Variants in GALNT8 observed in about 807,000 individuals in gnomAD.
GALNT8 encodes the protein polypeptide N-acetylgalactosaminyltransferase 8, also known as probable polypeptide N-acetylgalactosaminyltransferase 8.
A neutral mutation model predicts 62.7 loss-of-function variants in GALNT8; 66 were observed. The observed-to-expected ratio is 1.05, with a 90% CI of 0.86 to 1.29. The LOEUF (loss-of-function observed/expected upper bound fraction) is 1.29, where lower values mean the gene tolerates loss of function less well. GALNT8 is among the 50% of genes most tolerant of loss of function. GALNT8 has a pLI of 0.00. For synonymous variants in GALNT8, 288 were observed against 294.3 expected, an observed-to-expected ratio of 0.98 and a Z score of 0.22; for missense variants, 771 against 791.8, an observed-to-expected ratio of 0.97 and a Z score of 0.32.
intron 6 of GALNT8, among the ~76,000 whole-genome samples, chr12:4,751,855 GTCT>G (rs765082254): frequency 6.6e-6 from 1 of 152,116 alleles, no homozygotes; most frequent in Non-Finnish European, 1.5e-5. Flanking sequence ...GGATGTTAAA[GTCT>G]TCTGCTATTA....
At chr12:4,759,651 GATA>G (rs1424049297) in intron 6 of GALNT8, among the ~76,000 whole-genome samples, 4 of 151,958 alleles carry the variant, frequency 2.6e-5, no homozygotes, top group Non-Finnish European at 4.4e-5. Flanking sequence ...TTGAAAGTCA[GATA>G]ATGAGACTGA....
intron 1 of GALNT8, among the ~76,000 whole-genome samples, chr12:4,723,063 C>T (rs936085831): frequency 1.2e-4 from 18 of 152,132 alleles, no homozygotes; most frequent in Non-Finnish European, 1.6e-4. Flanking sequence ...GCACCTTCCA[C>T]GTCCTCCTTC....
intron 3 of GALNT8, among the ~76,000 whole-genome samples, chr12:4,742,486 A>G (rs1946276265): frequency 6.6e-6 from 1 of 151,790 alleles, no homozygotes. Context: ...GGAGGATGTC[A>G]GAGAGTTCAA....
At chr12:4,747,307 T>C (rs1006164558) in intron 6 of GALNT8, among the ~76,000 whole-genome samples, 1 of 152,216 alleles carries the variant, frequency 6.6e-6, no homozygotes, top group African/African-American at 2.4e-5. Context: ...ATAGTAGGTC[T>C]TATTTGTCTT....
Position 4,726,923 on chromosome 12 carries a change from G to T in GALNT8, c.509+94G>T. On this transcript the variant is annotated intron_variant, in intron 2 of 10. Coordinates refer to ENST00000252318, the MANE Select transcript of GALNT8 (RefSeq NM_017417.2). The surrounding 1 kb of genome is among the most constrained non-coding windows in gnomAD (Gnocchi z 4.1). ...AACATTGAAGGCTGGGGGAGTGGGG[G>T]ATTGTTGGGGAAGGGGTTCAGGCTG... The T allele has an allele frequency of 9.5e-7, 1 of 1,056,336 alleles. No homozygotes were observed. Among genetic ancestry groups the T allele is most frequent in the Non-Finnish European group, 1.4e-6 (1 of 721,630 alleles). The allele number at this position is 1,056,336 out of a possible 1,614,324, so 65.4% of individuals were successfully genotyped here. A position where few individuals can be genotyped will look rare whatever the true frequency, so the allele number is the denominator to read the frequency against.
At chr12:4,770,962 G>A (rs1946421580) in intron 10 of GALNT8, among the ~76,000 whole-genome samples, 1 of 152,210 alleles carries the variant, frequency 6.6e-6, no homozygotes, top group Non-Finnish European at 1.5e-5. Flanking sequence ...ATCGAGGATG[G>A]CTGGGGCTCA....
chr12:4,771,646 A>C (rs1421844988), intron 10 of GALNT8, among the ~76,000 whole-genome samples: 2 of 152,148 alleles, frequency 1.3e-5, no homozygotes, highest in African/African-American at 4.8e-5. Context: ...ATGATAGCAG[A>C]GTGCAGGGCA....
chr12:4,760,899 A>G lies in GALNT8; in HGVS notation c.1174-59A>G, dbSNP rs1223628555. 8.4e-6 allele frequency: 12 copies of G among 1,424,194 alleles called. No individual in the cohort carries two copies. In the Admixed American group the frequency reaches 2.1e-4, roughly 25 times the overall value. The allele number at this position is 1,424,194 out of a possible 1,614,324, so 88.2% of individuals were successfully genotyped here. On this transcript the variant is annotated intron_variant, in intron 6 of 10. Transcript: ENST00000252318. ...TCTAAAATGTAGTCTTCTTGTGTCAATAAGCTATGCAATTCATTGGCTGTG... is the reference window on the plus strand; with the variant it reads ...TCTAAAATGTAGTCTTCTTGTGTCAGTAAGCTATGCAATTCATTGGCTGTG...
chr12:4,766,554 A>G (rs1946400783), intron 10 of GALNT8, among the ~76,000 whole-genome samples: 2 of 152,164 alleles, frequency 1.3e-5, no homozygotes, highest in Admixed American at 6.5e-5. Context: ...TTTAACTTCA[A>G]TATCAAATGA....
At chr12:4,758,600 A>G (rs980104889) in intron 6 of GALNT8, among the ~76,000 whole-genome samples, 1 of 135,684 alleles carries the variant, frequency 7.4e-6, no homozygotes, top group African/African-American at 2.9e-5. Flanking sequence ...CAGAAGCTTA[A>G]TGTCTCTGTG....
At position 4,745,542 on chromosome 12, in the gene GALNT8, A is replaced by G. The variant is rs1433492485; in HGVS notation, c.974A>G (p.Asp325Gly). Residue 325 changes from aspartate to glycine, a missense_variant, in exon 5 of 11, where the codon GAT becomes GGT. Physicochemically the swap from Asp to Gly is moderately conservative, Grantham distance 94. Coordinates refer to ENST00000252318, the MANE Select transcript of GALNT8 (RefSeq NM_017417.2). The part of the protein sequence containing the change: ...FKLDKYELAV[D>G]GFNWELWCRY... ...CTGGATAAGTATGAACTGGCAGTTG[A>G]TGGGTTTAACTGGGAACTCTGGTGC... 1.2e-5 allele frequency: 19 copies of G among 1,613,782 alleles called. No individual in the cohort carries two copies. The highest frequency in any genetic ancestry group is 1.5e-5 in the Non-Finnish European group (18 of 1,179,802).
intron 2 of GALNT8, among the ~76,000 whole-genome samples, chr12:4,736,207 C>G (rs1419205935): frequency 6.6e-6 from 1 of 152,180 alleles, no homozygotes; most frequent in Admixed American, 6.5e-5. Context: ...CATCAGCAAA[C>G]AGCTGAAGCC....
Position 4,745,458 on chromosome 12 carries a change from A to G in GALNT8, c.890A>G (p.Glu297Gly), listed in dbSNP as rs769376293. 3 of 1,612,920 alleles carry G rather than the reference A, an allele frequency of 1.9e-6. No homozygotes were observed. In the South Asian group the frequency reaches 3.3e-5, roughly 18 times the overall value. Residue 297 changes from glutamate to glycine, a missense_variant, in exon 5 of 11, where the codon GAG (glutamate) becomes GGG (glycine). Coordinates refer to ENST00000252318, the MANE Select transcript of GALNT8 (RefSeq NM_017417.2). ...GAGCCAATCTTGGCTCGGATTCAGG[A>G]GGACCGCACTGTGATTGTGTCTCCT... Reference protein sequence around the residue: ...WAEPILARIQEDRTVIVSPVF... With the variant: ...WAEPILARIQGDRTVIVSPVF...
intron 6 of GALNT8, among the ~76,000 whole-genome samples, chr12:4,750,750 C>T (rs963840150): frequency 6.6e-6 from 1 of 152,156 alleles, no homozygotes; most frequent in African/African-American, 2.4e-5. Flanking sequence ...AATCAACACA[C>T]TGCCTTCTAC....
At chr12:4,737,662 C>T (rs1946251883) in intron 2 of GALNT8, among the ~76,000 whole-genome samples, 1 of 152,118 alleles carries the variant, frequency 6.6e-6, no homozygotes, top group South Asian at 2.1e-4. Flanking sequence ...AATGTATTTG[C>T]CATTGCGACA....
In GALNT8 at chr12:4,755,682, TCTCCCAACCTG is replaced by T. The variant is rs551640253; in HGVS notation, c.1174-5275_1174-5265del. On this transcript the variant is annotated intron_variant, in intron 6 of 10. Coordinates refer to ENST00000252318, the MANE Select transcript of GALNT8 (RefSeq NM_017417.2). The stretch of plus-strand genomic sequence containing the variant: ...TAGTCAACCATCTTGCTCCACCACT[TCTCCCAACCTG>T]AATTTTTGTGCTCTATAAGGGAATT... 1.3e-3 allele frequency among the ~76,000 whole-genome samples: 199 copies of T among 152,290 alleles called. 2 individuals carry two copies. Among genetic ancestry groups the T allele is most frequent in the Non-Finnish European group, 4.3e-4 (29 of 68,030 alleles).
chr12:4,760,263 GC>G (rs1239839242), intron 6 of GALNT8, among the ~76,000 whole-genome samples: 1 of 152,224 alleles, frequency 6.6e-6, no homozygotes, highest in Non-Finnish European at 1.5e-5. Flanking sequence ...GGCTGAGGAA[GC>G]ATTCAGTTTT....
Position 4,761,049 on chromosome 12 carries a change from C to A in GALNT8, c.1265C>A (p.Thr422Asn). 6.2e-7 allele frequency: 1 copy of A among 1,614,026 alleles called. No individual in the cohort carries two copies. Among genetic ancestry groups the A allele is most frequent in the Non-Finnish European group, 8.5e-7 (1 of 1,179,948 alleles). The change falls in exon 7 of 11, where the codon ACC becomes AAC. Residue 422 changes from threonine (T) to asparagine (N), a missense_variant. Transcript: ENST00000252318. ...CACAAGCCCTACGCCTTGGATCTCA[C>A]CGCTGCCTTGAAGCGCAATGCTCTG... The part of the protein sequence containing the change: ...RHHKPYALDL[T>N]AALKRNALRV...
chr12:4,761,101 G>A lies in GALNT8; in HGVS notation c.1317G>A (p.Glu439=), dbSNP rs1400661044. The A allele has an allele frequency of 1.2e-6, 2 of 1,614,118 alleles. No individual in the cohort carries two copies. The highest frequency in any genetic ancestry group is 1.1e-5 in the South Asian group (1 of 91,078). ...GAGTGGCCGAAATCTGGATGGATGAGCACAAACACATGGTCTACTTGGCCT... is the reference window on the plus strand; with the variant it reads ...GAGTGGCCGAAATCTGGATGGATGAACACAAACACATGGTCTACTTGGCCT... The part of the protein sequence containing the change: ...ALRVAEIWMD[E]HKHMVYLAWN... The change falls in exon 7 of 11, where the codon GAG becomes GAA. Residue 439 remains glutamate (E), a synonymous_variant. Transcript: ENST00000252318.
Sources: allele counts gnomAD v4.1 joint callset (sites outside exome capture counted in the v4.1 genomes callset), GRCh38; gene constraint gnomAD v4.1.1; non-coding constraint Gnocchi (gnomAD v3.1); transcripts MANE v1.5; gene names NCBI Gene and HGNC (gene_info 2026-07-23, HGNC 2026-07-21).